Variants in CCBE1 observed in about 807,000 individuals in gnomAD.
CCBE1 encodes the protein collagen and calcium binding EGF domains 1.
A neutral mutation model predicts 50.0 loss-of-function variants in CCBE1; 37 were observed. The observed-to-expected ratio is 0.74, with a 90% CI of 0.57 to 0.97. The LOEUF is 0.97. CCBE1 is among the 50% of genes least tolerant of loss of function. The pLI is 0.00. For missense variants in CCBE1, 538 were observed against 523.8 expected (o/e 1.03, Z -0.26); for synonymous variants, 234 against 203.7 (o/e 1.15, Z -1.27).
At chr18:59,493,227 T>C (rs1449933138) in intron 2 of CCBE1, among the ~76,000 whole-genome samples, 1 of 152,172 alleles carries the variant, frequency 6.6e-6, no homozygotes, top group Non-Finnish European at 1.5e-5. Flanking sequence ...TAATAAATCA[T>C]GATGTGACAG....
Position 59,454,861 on chromosome 18 carries a change from A to C in CCBE1, c.644T>G (p.Leu215Arg). Residue 215 changes from leucine to arginine, a missense_variant, in exon 6 of 11, where the codon CTG (leucine) becomes CGG (arginine). By Grantham distance (102) the Leu-to-Arg change is moderately radical. Transcript: ENST00000439986. ...CCCAGCGGCACGTACCTTTTGCTTCAGCTGCAGCACGGTCTGCTTCATCTG... is the reference window on the plus strand; with the variant it reads ...CCCAGCGGCACGTACCTTTTGCTTCCGCTGCAGCACGGTCTGCTTCATCTG... ...FYQMKQTVLQ[L>R]KQKIALLPNN... 6.2e-7 allele frequency: 1 copy of C among 1,614,146 alleles called. No individual in the cohort carries two copies. The highest frequency in any genetic ancestry group is 1.7e-5 in the Admixed American group (1 of 60,024).
chr18:59,619,329 C>T (rs1006457987), intron 2 of CCBE1, among the ~76,000 whole-genome samples: 133 of 152,118 alleles, frequency 8.7e-4, no homozygotes, highest in African/African-American at 3.0e-3. Context: ...TTTTTAGAGA[C>T]GGAGTCTTGC....
rs1381379233 is a variant in CCBE1 at position 59,466,797 on chromosome 18, G to A, written c.495C>T (p.Tyr165=). The A allele has an allele frequency of 1.2e-6, 2 of 1,613,664 alleles. No individual in the cohort carries two copies. The highest frequency in any genetic ancestry group is 2.7e-5 in the African/African-American group (2 of 74,922). ...GSYRCECREG[Y]IREDDGKTCT... The stretch of plus-strand genomic sequence containing the variant: ...ATGTCTTCCCATCATCTTCCCGGAT[G>A]TAGCCTTCCCGGCACTCGCAGCGGT... The change falls in exon 5 of 11, where the codon TAC becomes TAT. Residue 165 remains tyrosine, a synonymous_variant. Coordinates refer to ENST00000439986, the MANE Select transcript of CCBE1 (RefSeq NM_133459.4).
intron 2 of CCBE1, among the ~76,000 whole-genome samples, chr18:59,608,120 G>A (rs547530844): frequency 3.3e-5 from 5 of 152,050 alleles, no homozygotes; most frequent in South Asian, 2.1e-4. Context: ...ACTCCGTCTC[G>A]AAAAATAATA....
At chr18:59,447,727 G>A (rs1442986747) in intron 7 of CCBE1, among the ~76,000 whole-genome samples, 6 of 152,100 alleles carry the variant, frequency 3.9e-5, no homozygotes, top group Non-Finnish European at 7.4e-5. Context: ...AACTTAAAAT[G>A]ATCTTTAGGA....
intron 2 of CCBE1, among the ~76,000 whole-genome samples, chr18:59,611,228 C>G (rs1008393219): frequency 6.6e-6 from 1 of 152,236 alleles, no homozygotes; most frequent in South Asian, 2.1e-4. Flanking sequence ...TCAGCTTCTT[C>G]CCTTGCTTCC....
intron 2 of CCBE1, among the ~76,000 whole-genome samples, chr18:59,638,282 G>A (rs143945392): frequency 2.0e-5 from 3 of 152,156 alleles, no homozygotes; most frequent in African/African-American, 4.8e-5. Context: ...ACTTTCACAC[G>A]CATAGAAACA....
chr18:59,595,847 G>A (rs557157508), intron 2 of CCBE1, among the ~76,000 whole-genome samples: 2 of 152,254 alleles, frequency 1.3e-5, no homozygotes, highest in Admixed American at 1.3e-4. Flanking sequence ...TATCAAGTGG[G>A]TACCACAGTG....
intron 5 of CCBE1, among the ~76,000 whole-genome samples, chr18:59,455,561 A>C (rs1171289395): frequency 6.6e-6 from 1 of 152,232 alleles, no homozygotes; most frequent in Non-Finnish European, 1.5e-5. Flanking sequence ...CCTGCTGTAG[A>C]ACACTAGGTG....
chr18:59,689,180 T>C (rs925193598), intron 2 of CCBE1, among the ~76,000 whole-genome samples: 2 of 152,198 alleles, frequency 1.3e-5, no homozygotes, highest in Non-Finnish European at 2.9e-5. Flanking sequence ...AGAGCCCCCC[T>C]GTATCTCCCA....
intron 2 of CCBE1, among the ~76,000 whole-genome samples, chr18:59,584,852 T>C (rs148112436): frequency 1.2e-4 from 19 of 152,298 alleles, no homozygotes; most frequent in African/African-American, 4.6e-4. Flanking sequence ...TATTTCTTAA[T>C]AGCAATGCAA....
At chr18:59,597,658 G>T (rs149961065) in intron 2 of CCBE1, among the ~76,000 whole-genome samples, 1 of 152,118 alleles carries the variant, frequency 6.6e-6, no homozygotes, top group South Asian at 2.1e-4. Context: ...GTCTGGTATC[G>T]GTCATGGCTG....
intron 2 of CCBE1, among the ~76,000 whole-genome samples, chr18:59,558,680 G>C (rs763667038): frequency 1.3e-5 from 2 of 152,192 alleles, no homozygotes; most frequent in Non-Finnish European, 2.9e-5. Flanking sequence ...GAGAACGAGA[G>C]AGCCAAAGCT....
intron 2 of CCBE1, chr18:59,688,449 A>C (rs2054686358): frequency 1.3e-5 from 2 of 152,288 alleles, no homozygotes; most frequent in Non-Finnish European, 2.9e-5. Context: ...ATGTCTCAAA[A>C]AACAAAAACA....
At chr18:59,566,807 AC>A (rs1335497691) in intron 2 of CCBE1, among the ~76,000 whole-genome samples, 1 of 152,038 alleles carries the variant, frequency 6.6e-6, no homozygotes. Flanking sequence ...TGCTGCCCCA[AC>A]CCCCAAGAAA....
rs1157998930 is a variant in CCBE1 at position 59,658,321 on chromosome 18, TAAAAAAAAAAAAAAAAAAAAA to T, written c.212+38287_212+38307del. On this transcript the variant is annotated intron_variant, in intron 2 of 10. Coordinates refer to ENST00000439986, the MANE Select transcript of CCBE1 (RefSeq NM_133459.4). ...GAGCAACATAGCAAGACCCTGTCTC[TAAAAAAAAAAAAAAAAAAAAA>T]AAAAAAAAAAAAATATATATATATA... Among the ~76,000 whole-genome samples the T allele has an allele frequency of 4.7e-4, 3 of 6,424 alleles. 1 individual carries two copies. The highest frequency in any genetic ancestry group is 7.4e-3 in the Admixed American group (2 of 272). 4.2% of individuals were successfully genotyped at this position (6,424 alleles called of 152,430 possible).
At chr18:59,488,903 C>T (rs12326062) in intron 2 of CCBE1, among the ~76,000 whole-genome samples, 2 of 152,120 alleles carry the variant, frequency 1.3e-5, no homozygotes, top group African/African-American at 4.8e-5. Flanking sequence ...CTGAAAGACA[C>T]TGAGTGCTGC....
chr18:59,642,655 C>A (rs1485099427), intron 2 of CCBE1, among the ~76,000 whole-genome samples: 1 of 152,138 alleles, frequency 6.6e-6, no homozygotes, highest in Non-Finnish European at 1.5e-5. Flanking sequence ...GAATGATTCT[C>A]AAGAATACAA....
intron 2 of CCBE1, among the ~76,000 whole-genome samples, chr18:59,513,851 T>C (rs906997348): frequency 6.6e-6 from 1 of 152,138 alleles, no homozygotes; most frequent in East Asian, 1.9e-4. Flanking sequence ...CTGTGCTCCT[T>C]CTGTTATGCC....
Sources: allele counts gnomAD v4.1 joint callset (sites outside exome capture counted in the v4.1 genomes callset), GRCh38; gene constraint gnomAD v4.1.1; transcripts MANE v1.5; gene names NCBI Gene and HGNC (gene_info 2026-07-23, HGNC 2026-07-21).